Variants in PHKG2 observed in about 807,000 individuals in gnomAD.
The protein encoded by PHKG2 is phosphorylase b kinase gamma catalytic chain, liver/testis isoform.
A neutral mutation model predicts 44.5 loss-of-function variants in PHKG2; 28 were observed. That is an observed-to-expected ratio of 0.63 (90% CI 0.47 to 0.86). The LOEUF (loss-of-function observed/expected upper bound fraction) is 0.86. Among genes scored for constraint, PHKG2 ranks in the 40% least tolerant of loss-of-function variants. PHKG2 has a pLI of 0.00. For synonymous variants in PHKG2, 220 were observed against 211.2 expected, an observed-to-expected ratio of 1.04 and a Z score of -0.36; for missense variants, 498 against 547.5, an observed-to-expected ratio of 0.91 and a Z score of 0.90.
rs2053688143 is a variant in PHKG2 at position 30,760,551 on chromosome 16, A to G, written c.*3454A>G. 3.1e-6 allele frequency: 5 copies of G among 1,591,028 alleles called. No individual in the cohort carries two copies. In the South Asian group the frequency reaches 4.5e-5, roughly 14 times the overall value. On this transcript the variant is annotated 3_prime_UTR_variant, in exon 10 of 10. Coordinates refer to ENST00000563588, the MANE Select transcript of PHKG2 (RefSeq NM_000294.3). ...GTCAGCCATTCCTCATGTTTTCCCA[A>G]CCTGACCCCTCAGCCTTTGCCAAGA...
At position 30,757,970 on chromosome 16, in the gene PHKG2, G is replaced by C; in HGVS notation, c.*873G>C. On this transcript the variant is annotated 3_prime_UTR_variant, in exon 10 of 10. Transcript: ENST00000563588. ...AGTGATACCTAGCACATAGGATTGA[G>C]GGAGGATTAAATGAGTTAATTTATG... 1 of 402,644 alleles carries C rather than the reference G, an allele frequency of 2.5e-6. No individual in the cohort carries two copies. The highest frequency in any genetic ancestry group is 4.0e-6 in the Non-Finnish European group (1 of 250,880). The allele number at this position is 402,644 out of a possible 1,614,324, so 24.9% of individuals were successfully genotyped here.
Position 30,748,856 on chromosome 16 carries a change from C to G in PHKG2, c.36C>G (p.Pro12=), listed in dbSNP as rs886038277. 2 of 1,553,810 alleles carry G rather than the reference C, an allele frequency of 1.3e-6. No homozygotes were observed. The highest frequency in any genetic ancestry group is 2.0e-5 in the Admixed American group (1 of 51,260). The change falls in exon 2 of 10, where the codon CCC becomes CCG. Residue 12 remains proline (P), a synonymous_variant. Transcript: ENST00000563588. ...TLDVGPEDEL[P]DWAAAKEFYQ... ...ACGTGGGGCCGGAGGATGAGCTGCC[C>G]GACTGGGCCGCCGCCAAAGAGTTTT... is the stretch of plus-strand genomic sequence containing the variant.
At position 30,760,197 on chromosome 16, in the gene PHKG2, C is replaced by T. The variant is rs1460271155; in HGVS notation, c.*3100C>T. 3 of 1,608,768 alleles carry T rather than the reference C, an allele frequency of 1.9e-6. No individual in the cohort carries two copies. The highest frequency in any genetic ancestry group is 1.7e-4 in the Middle Eastern group (1 of 6,060). On this transcript the variant is annotated 3_prime_UTR_variant, in exon 10 of 10. Coordinates refer to ENST00000563588, the MANE Select transcript of PHKG2 (RefSeq NM_000294.3). ...ATAATGACATATTCCAGGCAGAAAT[C>T]CCCTGCTTCTGCTTCCCATGGTCAC... is the stretch of plus-strand genomic sequence containing the variant.
chr16:30,752,963 C>A, intron 4 of PHKG2: 1 of 518,428 alleles, frequency 1.9e-6, no homozygotes, highest in Non-Finnish European at 3.5e-6. Context: ...CATAGTTACT[C>A]TCAACAAGAA....
At position 30,759,458 on chromosome 16, in the gene PHKG2, G is replaced by C. The variant is rs1489597128; in HGVS notation, c.*2361G>C. 2 of 1,614,096 alleles carry C rather than the reference G, an allele frequency of 1.2e-6. No homozygotes were observed. Among genetic ancestry groups the C allele is most frequent in the Admixed American group, 3.3e-5 (2 of 60,006 alleles). On this transcript the variant is annotated 3_prime_UTR_variant, in exon 10 of 10. Coordinates refer to ENST00000563588, the MANE Select transcript of PHKG2 (RefSeq NM_000294.3). ...AAGAGGTCGATGCTGAAAGGAGGCC[G>C]CTGTGGTGGTGACTCGGAATTAGAA... is the stretch of plus-strand genomic sequence containing the variant.
rs368710734 is a variant in PHKG2, at chr16:30,754,073, ACT to A, written c.556+522_556+523del. Among the ~76,000 whole-genome samples, 24 of 150,986 alleles carry A rather than the reference ACT, an allele frequency of 1.6e-4. No homozygotes were observed. The East Asian group carries it at 4.1e-3, about 26-fold the overall frequency. On this transcript the variant is annotated intron_variant, in intron 6 of 9. Coordinates refer to ENST00000563588, the MANE Select transcript of PHKG2 (RefSeq NM_000294.3). ...CTTCAGAGCCTTTAGTCTGCCACTG[ACT>A]CTCTCCCTCAATGGTTTGTACTAGA...
chr16:30,757,455 T>A lies in PHKG2; in HGVS notation c.*358T>A. 3.7e-6 allele frequency: 6 copies of A among 1,607,310 alleles called. No individual in the cohort carries two copies. Among genetic ancestry groups the A allele is most frequent in the Non-Finnish European group, 5.1e-6 (6 of 1,175,696 alleles). On this transcript the variant is annotated 3_prime_UTR_variant, in exon 10 of 10. Transcript: ENST00000563588. ...ATGGTGCCATTCTGGCCCAGACCTT[T>A]ATTGGGGAAAATGTTGGGGGTCACT...
intron 2 of PHKG2, 128 bp from the exon 3 acceptor site, chr16:30,750,978 C>A: frequency 2.1e-6 from 2 of 959,778 alleles, no homozygotes; most frequent in Non-Finnish European, 3.3e-6. Flanking sequence ...AGCTCCTAAG[C>A]TTGTTGCCCT....
At position 30,751,618 on chromosome 16, in the gene PHKG2, G is replaced by C. The variant is rs776831194; in HGVS notation, c.326+15G>C. The C allele has an allele frequency of 1.4e-5, 23 of 1,608,596 alleles. No individual in the cohort carries two copies. The highest frequency in any genetic ancestry group is 2.0e-5 in the Non-Finnish European group (23 of 1,175,024). ...GTGTTTGACCTGTGAGTATCTCCCT[G>C]CCACCATCTGAGAAGCCTCCTCCCC... On this transcript the variant is annotated intron_variant, in intron 4 of 9. Transcript: ENST00000563588.
chr16:30,754,022 T>C (rs150796394), intron 6 of PHKG2, among the ~76,000 whole-genome samples: 11 of 152,286 alleles, frequency 7.2e-5, no homozygotes, highest in Non-Finnish European at 1.3e-4. Flanking sequence ...AATGGGAAAC[T>C]TCAAATAAAA....
chr16:30,760,924 G>C lies in PHKG2; in HGVS notation c.*3827G>C. On this transcript the variant is annotated 3_prime_UTR_variant, in exon 10 of 10. Coordinates refer to ENST00000563588, the MANE Select transcript of PHKG2 (RefSeq NM_000294.3). ...CACTACCTTGTATGACCTTGGTCAAGTACTCCCTGTGGCCCTCAGTGTCCC... is the reference window on the plus strand; with the variant it reads ...CACTACCTTGTATGACCTTGGTCAACTACTCCCTGTGGCCCTCAGTGTCCC... 1.6e-6 allele frequency: 1 copy of C among 611,872 alleles called. No homozygotes were observed. 37.9% of individuals were successfully genotyped at this position (611,872 alleles called of 1,614,324 possible). A position where few individuals can be genotyped will look rare whatever the true frequency, so the allele number is the denominator to read the frequency against.
chr16:30,760,553 C>G lies in PHKG2; in HGVS notation c.*3456C>G. ...CAGCCATTCCTCATGTTTTCCCAACCTGACCCCTCAGCCTTTGCCAAGAGC... is the reference window on the plus strand; with the variant it reads ...CAGCCATTCCTCATGTTTTCCCAACGTGACCCCTCAGCCTTTGCCAAGAGC... On this transcript the variant is annotated 3_prime_UTR_variant, in exon 10 of 10. Coordinates refer to ENST00000563588, the MANE Select transcript of PHKG2 (RefSeq NM_000294.3). 1 of 1,589,284 alleles carries G rather than the reference C, an allele frequency of 6.3e-7. No homozygotes were observed. Among genetic ancestry groups the G allele is most frequent in the South Asian group, 1.1e-5 (1 of 88,376 alleles).
rs2053608729 is a variant in PHKG2, at chr16:30,759,702, C to T, written c.*2605C>T. The T allele has an allele frequency of 3.7e-6, 6 of 1,612,678 alleles. No individual in the cohort carries two copies. The highest frequency in any genetic ancestry group is 5.1e-6 in the Non-Finnish European group (6 of 1,179,196). On this transcript the variant is annotated 3_prime_UTR_variant, in exon 10 of 10. Coordinates refer to ENST00000563588, the MANE Select transcript of PHKG2 (RefSeq NM_000294.3). ...CACTGGTGAAGTAGCGGTAGCACTCCTCCACGTTGCCCAAGGGGGTTGCTG... is the reference window on the plus strand; with the variant it reads ...CACTGGTGAAGTAGCGGTAGCACTCTTCCACGTTGCCCAAGGGGGTTGCTG...
At position 30,760,354 on chromosome 16, in the gene PHKG2, C is replaced by T; in HGVS notation, c.*3257C>T. The T allele has an allele frequency of 6.2e-7, 1 of 1,614,254 alleles. No homozygotes were observed. Among genetic ancestry groups the T allele is most frequent in the South Asian group, 1.1e-5 (1 of 91,088 alleles). On this transcript the variant is annotated 3_prime_UTR_variant, in exon 10 of 10. Transcript: ENST00000563588. ...ACGTCTGCTCCAGTGAGAAGCCCTG[C>T]TGGCGGCAGAAAATGAGCGCGTGGC...
Position 30,757,532 on chromosome 16 carries a change from C to T in PHKG2, c.*435C>T. ...GGTAGCTGGAAGGGCCGCTCTAGTG[C>T]AGTCAACTTGCTGCTGAGCCTTTCC... On this transcript the variant is annotated 3_prime_UTR_variant, in exon 10 of 10. Coordinates refer to ENST00000563588, the MANE Select transcript of PHKG2 (RefSeq NM_000294.3). The T allele has an allele frequency of 1.2e-6, 2 of 1,614,242 alleles. No homozygotes were observed. The highest frequency in any genetic ancestry group is 2.2e-5 in the East Asian group (1 of 44,888).
intron 1 of PHKG2, 125 bp downstream of exon 1, chr16:30,748,615 G>T (rs2053284072): frequency 1.7e-6 from 1 of 575,190 alleles, no homozygotes; most frequent in East Asian, 2.8e-5. Flanking sequence ...TCCCCTCCCT[G>T]CCCTGCCATC....
At position 30,756,993 on chromosome 16, in the gene PHKG2, CTCTT is replaced by C; in HGVS notation, c.1120_1123del (p.Phe374SerfsTer22). On this transcript the variant is annotated frameshift_variant, in exon 10 of 10. Transcript: ENST00000563588. LOFTEE classifies it low-confidence loss of function (END_TRUNC). ...AGGGGAGCAGCAGAACCGGGCGGCT[CTCTT>C]TCAGCACCGGCCCCCTGGGCCTTTT... 6.2e-7 allele frequency: 1 copy of C among 1,612,220 alleles called. No homozygotes were observed.
chr16:30,751,377 CT>C (rs1382967922), intron 3 of PHKG2, 96 bp downstream of exon 3: 2 of 1,385,934 alleles, frequency 1.4e-6, no homozygotes, highest in Admixed American at 3.4e-5. Flanking sequence ...CTCCACACCT[CT>C]CCTCCCTTCA....
intron 6 of PHKG2, chr16:30,755,379 T>C: frequency 6.4e-6 from 1 of 156,416 alleles, no homozygotes; most frequent in Non-Finnish European, 1.4e-5. Context: ...TTATGTGCTT[T>C]AAGAAATCCC....
Sources: allele counts gnomAD v4.1 joint callset (sites outside exome capture counted in the v4.1 genomes callset), GRCh38; gene constraint gnomAD v4.1.1; transcripts MANE v1.5; gene names NCBI Gene and HGNC (gene_info 2026-07-23, HGNC 2026-07-21).